INCENP: variants seen among roughly 807,000 people sequenced by gnomAD.
INCENP encodes the protein inner centromere protein, also known as binds and activates aurora-B and -C in vivo and in vitro.
Under a neutral mutation model 107.3 loss-of-function variants are expected in INCENP, and 43 were observed. That is an observed-to-expected ratio of 0.40 (90% CI 0.31 to 0.52). The LOEUF is 0.52. Ranked by LOEUF, INCENP falls within the 20% of genes least tolerant of loss-of-function variation. The pLI is 0.53. For synonymous variants in INCENP, 488 were observed against 494.4 expected (o/e 0.99, Z 0.17); for missense variants, 1,089 against 1,250.9 (o/e 0.87, Z 1.95).
chr11:62,130,120 C>T lies in INCENP; in HGVS notation c.593C>T (p.Pro198Leu), dbSNP rs139869566. ...GAGCCTCTGCCCCGCACTCTGTCCC[C>T]GACTCCAGCTTCAGCCACAGCTCCA... ...STEPLPRTLS[P>L]TPASATAPTS... Residue 198 changes from proline to leucine, a missense_variant, in exon 4 of 19, where the codon CCG (proline) becomes CTG (leucine). Physicochemically the swap from Pro to Leu is moderately conservative, Grantham distance 98. Transcript: ENST00000394818. 497 of 1,613,690 alleles carry T rather than the reference C, an allele frequency of 3.1e-4. 2 individuals are homozygous for T. The highest frequency in any genetic ancestry group is 2.5e-3 in the African/African-American group (184 of 75,024).
intron 4 of INCENP, among the ~76,000 whole-genome samples, chr11:62,133,351 C>T (rs151314061): frequency 1.2e-3 from 185 of 152,326 alleles, no homozygotes; most frequent in African/African-American, 4.0e-3. Flanking sequence ...GTGGAGGGGG[C>T]TTCTGGAAGC....
chr11:62,141,997 C>T (rs990113039), intron 11 of INCENP, among the ~76,000 whole-genome samples: 3 of 152,150 alleles, frequency 2.0e-5, no homozygotes, highest in African/African-American at 7.2e-5. Context: ...TCTTGCTGTG[C>T]TGGGTGACAG....
rs1675111 is a variant in INCENP, at chr11:62,150,041, A to G, written c.2392-16A>G. On this transcript the variant is annotated splice_polypyrimidine_tract_variant and intron_variant, in intron 17 of 18. Coordinates refer to ENST00000394818, the MANE Select transcript of INCENP (RefSeq NM_001040694.2). ...AATGCCATGGAGGGAACTGACGGCCACGTTTGTTTTTGCAGTCTCCAGCTT... is the reference window on the plus strand; with the variant it reads ...AATGCCATGGAGGGAACTGACGGCCGCGTTTGTTTTTGCAGTCTCCAGCTT... 4.0e-3 allele frequency: 6,447 copies of G among 1,612,804 alleles called. 233 individuals carry two copies. In the African/African-American group the frequency reaches 0.076, roughly 19 times the overall value.
rs1043826405 is a variant in INCENP at position 62,139,100 on chromosome 11, A to G, written c.1291+95A>G. Reference sequence around the variant, plus strand: ...TTCTCTCTGGGGATAAGGAAGCCCCATTTTCTGGGCCAGTAGGCTAAAGAG... The same window carrying G: ...TTCTCTCTGGGGATAAGGAAGCCCCGTTTTCTGGGCCAGTAGGCTAAAGAG... On this transcript the variant is annotated intron_variant, in intron 7 of 18. Transcript: ENST00000394818. 4 of 853,388 alleles carry G rather than the reference A, an allele frequency of 4.7e-6. No homozygotes were observed. In the East Asian group the frequency reaches 9.8e-5, roughly 21 times the overall value. The allele number at this position is 853,388 out of a possible 1,614,324, so 52.9% of individuals were successfully genotyped here.
At chr11:62,139,463 C>T (rs550819372) in intron 7 of INCENP, among the ~76,000 whole-genome samples, 72 of 152,306 alleles carry the variant, frequency 4.7e-4, no homozygotes, top group African/African-American at 1.7e-3. Flanking sequence ...CAGGGTCCTG[C>T]TCACATCTCC....
chr11:62,150,488 G>A (rs1273696224), intron 18 of INCENP, among the ~76,000 whole-genome samples: 1 of 152,204 alleles, frequency 6.6e-6, no homozygotes, highest in African/African-American at 2.4e-5. Context: ...ATGCTGCTGG[G>A]TGTCCTGACT....
At chr11:62,136,345 C>T (rs2134638558) in intron 4 of INCENP, among the ~76,000 whole-genome samples, 1 of 152,240 alleles carries the variant, frequency 6.6e-6, no homozygotes, top group East Asian at 1.9e-4. Flanking sequence ...CACCTCAGCA[C>T]ACAGAAGAGT....
intron 4 of INCENP, among the ~76,000 whole-genome samples, chr11:62,137,628 A>C (rs1944019900): frequency 6.6e-6 from 1 of 152,142 alleles, no homozygotes; most frequent in African/African-American, 2.4e-5. Context: ...CCATCTGGGA[A>C]GCAGCCGGGG....
At position 62,145,298 on chromosome 11, in the gene INCENP, C is replaced by G. The variant is rs748264975; in HGVS notation, c.1836+9C>G. The G allele has an allele frequency of 1.2e-6, 2 of 1,613,788 alleles. No individual in the cohort carries two copies. Among genetic ancestry groups the G allele is most frequent in the Non-Finnish European group, 1.7e-6 (2 of 1,180,026 alleles). On this transcript the variant is annotated intron_variant, in intron 13 of 18. Transcript: ENST00000394818. ...ACGAGAAGACTGAGAAGGTGGGAGC[C>G]TGGGCTGTGGAGGCCCAGGCAATTC... is the stretch of plus-strand genomic sequence containing the variant.
chr11:62,132,370 G>C (rs1018921410), intron 4 of INCENP, among the ~76,000 whole-genome samples: 15 of 152,214 alleles, frequency 9.9e-5, no homozygotes, highest in Admixed American at 2.6e-4. Context: ...TCAGGCAGGG[G>C]AGGGCACCTC....
chr11:62,138,260 C>T (rs1944034622), intron 5 of INCENP, among the ~76,000 whole-genome samples: 2 of 152,288 alleles, frequency 1.3e-5, no homozygotes, highest in South Asian at 4.1e-4. Flanking sequence ...TCCTGGAGGC[C>T]GTGTCCTGCC....
At chr11:62,149,982 A>G in intron 17 of INCENP, 75 bp from the exon 18 acceptor site, 2 of 1,417,716 alleles carry the variant, frequency 1.4e-6, no homozygotes, top group South Asian at 1.2e-5. Flanking sequence ...GGAGGTGAGC[A>G]GTGCCCCAGC....
chr11:62,151,913 C>T lies in INCENP; in HGVS notation c.2694C>T (p.Asn898=). 6.2e-7 allele frequency: 1 copy of T among 1,613,826 alleles called. No homozygotes were observed. The highest frequency in any genetic ancestry group is 1.1e-5 in the South Asian group (1 of 91,084). ...YHKRTSSAVW[N]SPPLQGARVP... ...AGCGCACCAGCTCTGCTGTCTGGAA[C>T]TCACCGCCCCTGCAGGGCGCCAGGG... is the stretch of plus-strand genomic sequence containing the variant. The change falls in exon 19 of 19, where the codon AAC becomes AAT. Residue 898 remains asparagine (N), a synonymous_variant. Transcript: ENST00000394818.
At chr11:62,143,136 C>G (rs1455480212) in intron 11 of INCENP, among the ~76,000 whole-genome samples, 3 of 152,084 alleles carry the variant, frequency 2.0e-5, no homozygotes, top group African/African-American at 7.3e-5. Context: ...GGGGGACAGA[C>G]AGAAGAGCAA....
intron 11 of INCENP, 48 bp from the exon 12 acceptor site, chr11:62,144,934 G>T (rs768217932): frequency 2.2e-5 from 34 of 1,522,906 alleles, no homozygotes; most frequent in Non-Finnish European, 3.1e-5. Context: ...GCTGGGTGGG[G>T]GGTCGTCCTT....
At chr11:62,137,119 C>T (rs1179293620) in intron 4 of INCENP, among the ~76,000 whole-genome samples, 2 of 151,966 alleles carry the variant, frequency 1.3e-5, no homozygotes, top group Non-Finnish European at 2.9e-5. Context: ...TTTGGGAGGC[C>T]GAGGCGGGTG....
At position 62,146,818 on chromosome 11, in the gene INCENP, G is replaced by A. The variant is rs962597590; in HGVS notation, c.2120G>A (p.Arg707Gln). The change falls in exon 15 of 19, where the codon CGG becomes CAG. Residue 707 changes from arginine (R) to glutamine (Q), a missense_variant. Physicochemically the swap from Arg to Gln is conservative, Grantham distance 43 (BLOSUM62 1). Coordinates refer to ENST00000394818, the MANE Select transcript of INCENP (RefSeq NM_001040694.2). ...RREQERREQE[R>Q]REQERREQER... ...GAGCAGGAGCGGCGCGAGCAGGAGC[G>A]GCGGGAGCAGGAGCGGCGCGAGCAG... 3.3e-5 allele frequency: 51 copies of A among 1,536,130 alleles called. No homozygotes were observed. The highest frequency in any genetic ancestry group is 3.9e-5 in the Admixed American group (2 of 50,692).
chr11:62,141,676 G>C (rs931817551), intron 11 of INCENP, 165 bp downstream of exon 11: 1 of 911,908 alleles, frequency 1.1e-6, no homozygotes, highest in African/African-American at 1.6e-5. Flanking sequence ...GGCTGGAGGC[G>C]CCCAGCAGTT....
At position 62,130,118 on chromosome 11, in the gene INCENP, C is replaced by T. The variant is rs145922935; in HGVS notation, c.591C>T (p.Ser197=). The change falls in exon 4 of 19, where the codon TCC becomes TCT. Residue 197 remains serine (S), a synonymous_variant. Transcript: ENST00000394818. ...CCGAGCCTCTGCCCCGCACTCTGTCCCCGACTCCAGCTTCAGCCACAGCTC... is the reference window on the plus strand; with the variant it reads ...CCGAGCCTCTGCCCCGCACTCTGTCTCCGACTCCAGCTTCAGCCACAGCTC... The part of the protein sequence containing the change: ...MSTEPLPRTL[S]PTPASATAPT... 7 of 1,613,674 alleles carry T rather than the reference C, an allele frequency of 4.3e-6. No homozygotes were observed. In the East Asian group the frequency reaches 1.1e-4, roughly 26 times the overall value.
Sources: allele counts gnomAD v4.1 joint callset (sites outside exome capture counted in the v4.1 genomes callset), GRCh38; gene constraint gnomAD v4.1.1; transcripts MANE v1.5; gene names NCBI Gene and HGNC (gene_info 2026-07-23, HGNC 2026-07-21).